The following TRIP6 variants were observed in gnomAD, a reference collection of about 807,000 sequenced individuals.
TRIP6 encodes the protein thyroid hormone receptor interactor 6, also known as thyroid receptor-interacting protein 6.
A neutral mutation model predicts 51.9 loss-of-function variants in TRIP6; 33 were observed. The ratio of observed to expected loss-of-function variants is 0.64; its 90% CI spans 0.48 to 0.85. The LOEUF is 0.85. Ranked by LOEUF, TRIP6 falls within the 40% of genes least tolerant of loss-of-function variation. TRIP6 has a pLI of 0.00. For missense variants in TRIP6, 661 were observed against 652.1 expected (o/e 1.01, Z -0.15); for synonymous variants, 255 against 275.8 (o/e 0.92, Z 0.75).
chr7:100,870,637 G>T lies in TRIP6; in HGVS notation c.893G>T (p.Arg298Leu). The change falls in exon 6 of 9, where the codon CGC becomes CTC. Residue 298 changes from arginine to leucine, a missense_variant. Transcript: ENST00000200457. ...GGGGCTGGGGTTGTGGCCCTTGATC[G>T]CGTCTTTCACGTGGGCTGCTTTGTA... Reference protein sequence around the residue: ...GDGAGVVALDRVFHVGCFVCS... With the variant: ...GDGAGVVALDLVFHVGCFVCS... 6.2e-7 allele frequency: 1 copy of T among 1,614,172 alleles called. No individual in the cohort carries two copies. Among genetic ancestry groups the T allele is most frequent in the South Asian group, 1.1e-5 (1 of 91,086 alleles).
In TRIP6 at chr7:100,870,456, G is replaced by C. The variant is rs76826261; in HGVS notation, c.822G>C (p.Glu274Asp). The C allele has an allele frequency of 1.5e-3, 2,301 of 1,554,758 alleles. 1 individual carries two copies. The highest frequency in any genetic ancestry group is 1.8e-3 in the Admixed American group (107 of 59,126). The change falls in exon 5 of 9, where the codon GAG becomes GAC. Residue 274 changes from glutamate (E) to aspartate (D), a missense_variant. By Grantham distance (45) the Glu-to-Asp change is conservative. Coordinates refer to ENST00000200457, the MANE Select transcript of TRIP6 (RefSeq NM_003302.3). ...ACATGAACCACCCGCCCAGCGGGGA[G>C]TACTTTGGTGAGCTGAGGCTGTGGG... ...VHDMNHPPSG[E>D]YFGQCGGCGE...
Position 100,867,849 on chromosome 7 carries a change from C to G in TRIP6, c.110-12C>G, listed in dbSNP as rs752104344. 1.3e-6 allele frequency: 2 copies of G among 1,541,264 alleles called. No homozygotes were observed. The highest frequency in any genetic ancestry group is 2.6e-5 in the South Asian group (2 of 77,280). On this transcript the variant is annotated splice_polypyrimidine_tract_variant and intron_variant, in intron 1 of 8. Transcript: ENST00000200457. This position sits in a 1 kb window ranked among gnomAD's most constrained non-coding sequence, Gnocchi z 5.4. ...CGCCACCCCACCTTTGATTTCTCTT[C>G]CCTCAACCCAGCACTCCAGCCCCAC...
At chr7:100,871,797 G>C in intron 7 of TRIP6, 76 bp downstream of exon 7, 1 of 1,523,296 alleles carries the variant, frequency 6.6e-7, no homozygotes, top group Non-Finnish European at 8.9e-7. Context: ...CCCCAGGACT[G>C]TCTCTTCCTG....
chr7:100,870,528 G>A, intron 5 of TRIP6, 46 bp from the exon 6 acceptor site: 1 of 1,607,120 alleles, frequency 6.2e-7, no homozygotes, highest in Non-Finnish European at 8.5e-7. Flanking sequence ...GGGGACAGTG[G>A]CTTCCTGGGT....
Position 100,870,418 on chromosome 7 carries a change from A to C in TRIP6, c.784A>C (p.Lys262Gln). Residue 262 changes from lysine to glutamine, a missense_variant, in exon 5 of 9, where the codon AAG becomes CAG. By Grantham distance (53) the Lys-to-Gln change is moderately conservative. Coordinates refer to ENST00000200457, the MANE Select transcript of TRIP6 (RefSeq NM_003302.3). The stretch of plus-strand genomic sequence containing the variant: ...GGATGAGCTGGATAGGCTGACGAAG[A>C]AGCTGGTTCACGACATGAACCACCC... ...PEDELDRLTK[K>Q]LVHDMNHPPS... The C allele has an allele frequency of 2.5e-6, 4 of 1,613,126 alleles. No individual in the cohort carries two copies. The South Asian group carries it at 4.4e-5, about 18-fold the overall frequency.
At position 100,871,278 on chromosome 7, in the gene TRIP6, G is replaced by A. The variant is rs116872508; in HGVS notation, c.1000-265G>A. ...TGAAACTCCTGGCCTCAAGCAGTCC[G>A]CCCACTCTGGCCTCCCAAAGTGCTG... On this transcript the variant is annotated intron_variant, in intron 6 of 8. Coordinates refer to ENST00000200457, the MANE Select transcript of TRIP6 (RefSeq NM_003302.3). The A allele has an allele frequency of 1.1e-3, 577 of 547,996 alleles. 8 individuals are homozygous for A. The East Asian group carries it at 0.017, about 16-fold the overall frequency. 33.9% of individuals were successfully genotyped at this position (547,996 alleles called of 1,614,324 possible). A position where few individuals can be genotyped will look rare whatever the true frequency, so the allele number is the denominator to read the frequency against.
chr7:100,868,622 C>T lies in TRIP6; in HGVS notation c.491C>T (p.Ala164Val). 1.2e-6 allele frequency: 2 copies of T among 1,612,532 alleles called. No homozygotes were observed. The highest frequency in any genetic ancestry group is 1.7e-6 in the Non-Finnish European group (2 of 1,179,766). Residue 164 changes from alanine to valine, a missense_variant, in exon 4 of 9, where the codon GCT becomes GTT. Physicochemically the swap from Ala to Val is moderately conservative, Grantham distance 64. Coordinates refer to ENST00000200457, the MANE Select transcript of TRIP6 (RefSeq NM_003302.3). ...TCTTACACTACCGCCAGCACCCCGGCTGGCCCAGCCTTCCCCGTGCAAGTG... is the reference window on the plus strand; with the variant it reads ...TCTTACACTACCGCCAGCACCCCGGTTGGCCCAGCCTTCCCCGTGCAAGTG... ...PASYTTASTPAGPAFPVQVKV... is the reference protein window; with the variant it reads ...PASYTTASTPVGPAFPVQVKV...
rs770472424 is a variant in TRIP6, at chr7:100,871,643, T to C, written c.1100T>C (p.Val367Ala). 6.2e-7 allele frequency: 1 copy of C among 1,614,098 alleles called. No homozygotes were observed. Among genetic ancestry groups the C allele is most frequent in the Admixed American group, 1.7e-5 (1 of 60,016 alleles). The change falls in exon 7 of 9, where the codon GTG becomes GCG. Residue 367 changes from valine (V) to alanine (A), a missense_variant. Transcript: ENST00000200457. Reference sequence around the variant, plus strand: ...CACCCTGGCTGCTTCACCTGCGTGGTGTGTCACCGCGGCCTCGACGGCATC... The same window carrying C: ...CACCCTGGCTGCTTCACCTGCGTGGCGTGTCACCGCGGCCTCGACGGCATC... ...AYHPGCFTCVVCHRGLDGIPF... is the reference protein window; with the variant it reads ...AYHPGCFTCVACHRGLDGIPF...
At chr7:100,872,558 G>A in intron 7 of TRIP6, 66 bp from the exon 8 acceptor site, 1 of 1,598,702 alleles carries the variant, frequency 6.3e-7, no homozygotes. Flanking sequence ...CACCTTCTCT[G>A]GGTTCCATTG....
At position 100,867,676 on chromosome 7, in the gene TRIP6, C is replaced by G. The variant is rs934137134; in HGVS notation, c.109+70C>G. On this transcript the variant is annotated intron_variant, in intron 1 of 8. Coordinates refer to ENST00000200457, the MANE Select transcript of TRIP6 (RefSeq NM_003302.3). This position sits in a 1 kb window ranked among gnomAD's most constrained non-coding sequence, Gnocchi z 5.4. Reference sequence around the variant, plus strand: ...CTCACCTCTGTCCTACCGCTCCAGCCTCCCGCCCTGGCTGCTTCCTCCTGC... The same window carrying G: ...CTCACCTCTGTCCTACCGCTCCAGCGTCCCGCCCTGGCTGCTTCCTCCTGC... 175 of 1,565,924 alleles carry G rather than the reference C, an allele frequency of 1.1e-4. No individual in the cohort carries two copies. Among genetic ancestry groups the G allele is most frequent in the Non-Finnish European group, 1.5e-4 (172 of 1,154,302 alleles).
In TRIP6 at chr7:100,868,273, T is replaced by C. The variant is rs189666867; in HGVS notation, c.363+40T>C. On this transcript the variant is annotated intron_variant, in intron 3 of 8. Transcript: ENST00000200457. ...CCTCCCCGTCAGCACCCTGCCCCCT[T>C]CTCTGGACTCTCAGACCCAGCCTGA... 96 of 1,592,046 alleles carry C rather than the reference T, an allele frequency of 6.0e-5. 1 individual carries two copies. The African/African-American group carries it at 1.2e-3, about 19-fold the overall frequency.
At chr7:100,871,797 G>A (rs1013497886) in intron 7 of TRIP6, 76 bp downstream of exon 7, 2 of 1,523,294 alleles carry the variant, frequency 1.3e-6, no homozygotes, top group Non-Finnish European at 1.8e-6. Flanking sequence ...CCCCAGGACT[G>A]TCTCTTCCTG....
intron 4 of TRIP6, 77 bp downstream of exon 4, chr7:100,868,943 T>C (rs1584718066): frequency 2.1e-5 from 30 of 1,412,402 alleles, no homozygotes; most frequent in Non-Finnish European, 2.7e-5. Flanking sequence ...GGTGGTGTTT[T>C]AGGGGGCTTT....
At position 100,870,818 on chromosome 7, in the gene TRIP6, C is replaced by T. The variant is rs569531618; in HGVS notation, c.999+75C>T. On this transcript the variant is annotated intron_variant, in intron 6 of 8. Transcript: ENST00000200457. Reference sequence around the variant, plus strand: ...CTTCCATCCAAGGTGGTAACTAGAGCGTCCAAGACCAAAGGAGGAACGGTG... The same window carrying T: ...CTTCCATCCAAGGTGGTAACTAGAGTGTCCAAGACCAAAGGAGGAACGGTG... The T allele has an allele frequency of 4.4e-5, 67 of 1,517,478 alleles. No individual in the cohort carries two copies. The East Asian group carries it at 1.4e-3, about 31-fold the overall frequency. The allele number at this position is 1,517,478 out of a possible 1,614,324, so 94.0% of individuals were successfully genotyped here.
chr7:100,869,200 C>T (rs1008680051), intron 4 of TRIP6, among the ~76,000 whole-genome samples: 1 of 151,488 alleles, frequency 6.6e-6, no homozygotes, highest in Non-Finnish European at 1.5e-5. Context: ...TCAGGTGATC[C>T]GCCTGCCTCA....
At chr7:100,872,915 A>C in intron 8 of TRIP6, 171 bp downstream of exon 8, 1 of 1,218,128 alleles carries the variant, frequency 8.2e-7, no homozygotes, top group South Asian at 1.6e-5. Flanking sequence ...CAGTGGCACA[A>C]TCTTGGCTCA....
intron 4 of TRIP6, 151 bp downstream of exon 4, chr7:100,869,017 G>A (rs1408121588): frequency 9.4e-7 from 1 of 1,060,708 alleles, no homozygotes; most frequent in African/African-American, 1.7e-5. Context: ...GTGCCATCTT[G>A]GCTCACTGCA....
At position 100,870,372 on chromosome 7, in the gene TRIP6, G is replaced by A; in HGVS notation, c.738G>A (p.Val246=). 1.2e-6 allele frequency: 2 copies of A among 1,611,916 alleles called. No individual in the cohort carries two copies. The highest frequency in any genetic ancestry group is 1.3e-5 in the African/African-American group (1 of 74,978). The change falls in exon 5 of 9, where the codon GTG becomes GTA. Residue 246 remains valine, a splice_region_variant and synonymous_variant. Coordinates refer to ENST00000200457, the MANE Select transcript of TRIP6 (RefSeq NM_003302.3). ...CGAGCCCGATTCCCACCTTCCAGGT[G>A]CCCCTGAGCCAGCCTCCAGAGGATG... The part of the protein sequence containing the change: ...RGRGGEHGPQ[V]PLSQPPEDEL...
chr7:100,867,922 C>T lies in TRIP6; in HGVS notation c.171C>T (p.Ala57=), dbSNP rs1193537926. 1.3e-6 allele frequency: 2 copies of T among 1,518,816 alleles called. No homozygotes were observed. Among genetic ancestry groups the T allele is most frequent in the Non-Finnish European group, 1.8e-6 (2 of 1,138,510 alleles). The allele number at this position is 1,518,816 out of a possible 1,614,324, so 94.1% of individuals were successfully genotyped here. A position where few individuals can be genotyped will look rare whatever the true frequency, so the allele number is the denominator to read the frequency against. ...TTCCATCTGAGCAGTGTTACCAGGCCCCAGGGGGACCGGAGGATCGGGGGC... is the reference window on the plus strand; with the variant it reads ...TTCCATCTGAGCAGTGTTACCAGGCTCCAGGGGGACCGGAGGATCGGGGGC... ...CPLPSEQCYQ[A]PGGPEDRGPA... Residue 57 remains alanine (A), a synonymous_variant, in exon 2 of 9, where the codon GCC becomes GCT. Transcript: ENST00000200457. The surrounding 1 kb of genome is among the most constrained non-coding windows in gnomAD (Gnocchi z 5.4).
Sources: allele counts gnomAD v4.1 joint callset (sites outside exome capture counted in the v4.1 genomes callset), GRCh38; gene constraint gnomAD v4.1.1; non-coding constraint Gnocchi (gnomAD v3.1); transcripts MANE v1.5; gene names NCBI Gene and HGNC (gene_info 2026-07-23, HGNC 2026-07-21).